Variants in SEMA4D observed in about 807,000 individuals in gnomAD.
The protein encoded by SEMA4D is semaphorin 4D, also known as semaphorin-4D.
SEMA4D carries 22 observed loss-of-function variants against 74.8 expected under a neutral mutation model. The observed-to-expected ratio is 0.29, with a 90% CI of 0.21 to 0.42. The LOEUF (loss-of-function observed/expected upper bound fraction) is 0.42, where lower values mean the gene tolerates loss of function less well. SEMA4D is among the 10% of genes least tolerant of loss of function. SEMA4D has a pLI of 1.00. For synonymous variants in SEMA4D, 445 were observed against 463.7 expected (o/e 0.96, Z 0.52); for missense variants, 937 against 1,118.4 (o/e 0.84, Z 2.31).
intron 2 of SEMA4D, among the ~76,000 whole-genome samples, chr9:89,440,109 T>A (rs931367711): frequency 6.6e-6 from 1 of 152,126 alleles, no homozygotes; most frequent in Non-Finnish European, 1.5e-5. Context: ...CCTGGTGTCC[T>A]CCCTGTGAGC....
rs141285319 is a variant in SEMA4D at position 89,486,710 on chromosome 9, A to T, written c.-310+11209T>A. The stretch of plus-strand genomic sequence containing the variant: ...GGCTTGAGGTTAGGAATTCAAGGCC[A>T]GCCTGGGAATCATAGTGAAACTCTG... On this transcript the variant is annotated intron_variant, in intron 1 of 15. Transcript: ENST00000422704. Among the ~76,000 whole-genome samples, 12 of 152,358 alleles carry T rather than the reference A, an allele frequency of 7.9e-5. 1 individual carries two copies. The Middle Eastern group carries it at 0.01, about 130-fold the overall frequency.
chr9:89,389,830 C>G lies in SEMA4D; in HGVS notation c.775-783G>C, dbSNP rs940362382. Among the ~76,000 whole-genome samples the G allele has an allele frequency of 2.0e-5, 3 of 152,198 alleles. No individual in the cohort carries two copies. In the South Asian group the frequency reaches 6.2e-4, roughly 31 times the overall value. On this transcript the variant is annotated intron_variant, in intron 9 of 15. Coordinates refer to ENST00000422704, the MANE Select transcript of SEMA4D (RefSeq NM_001371194.2). ...TTTGATAAAAGGACTTCATTTTCCT[C>G]CTTGATGTTTTAGCAAAGAATAATT... is the stretch of plus-strand genomic sequence containing the variant.
intron 1 of SEMA4D, among the ~76,000 whole-genome samples, chr9:89,456,845 C>G (rs979742830): frequency 6.6e-6 from 1 of 152,152 alleles, no homozygotes; most frequent in Admixed American, 6.5e-5. Flanking sequence ...CCGCCTTGGC[C>G]CTAAGTGCTG....
intron 2 of SEMA4D, among the ~76,000 whole-genome samples, chr9:89,443,016 G>A (rs1851998694): frequency 1.3e-5 from 2 of 152,186 alleles, no homozygotes; most frequent in South Asian, 4.1e-4. Context: ...AGCAGCAGGA[G>A]GGCCCCCTGC....
chr9:89,434,132 C>A (rs111795661), intron 2 of SEMA4D, among the ~76,000 whole-genome samples: 19 of 152,340 alleles, frequency 1.2e-4, no homozygotes, highest in Admixed American at 9.8e-4. Flanking sequence ...TTAAGACCAG[C>A]CAGACCTCAG....
At chr9:89,395,424 C>CAA (rs60494089) in intron 6 of SEMA4D, among the ~76,000 whole-genome samples, 1 of 112,040 alleles carries the variant, frequency 8.9e-6, no homozygotes, top group Non-Finnish European at 1.9e-5. Flanking sequence ...AACTCCGTCT[C>CAA]AAAAAAAAAA....
At chr9:89,433,113 T>G (rs577264222) in intron 2 of SEMA4D, among the ~76,000 whole-genome samples, 3 of 152,348 alleles carry the variant, frequency 2.0e-5, no homozygotes, top group Admixed American at 6.5e-5. Context: ...TGGTGCATCC[T>G]GGGCACAGGG....
At chr9:89,363,310 G>A in intron 18 of SEMA4D, 2 of 1,435,368 alleles carry the variant, frequency 1.4e-6, no homozygotes, top group Non-Finnish European at 1.9e-6. Context: ...ACTGCTCCGG[G>A]GCTAAGAGGG....
chr9:89,385,267 T>G (rs937323663), intron 13 of SEMA4D: 4 of 985,264 alleles, frequency 4.1e-6, no homozygotes, highest in Non-Finnish European at 4.8e-6. Flanking sequence ...CAGAGTGTCA[T>G]TCTCACGAAT....
At chr9:89,396,373 GCTAC>G (rs1440682144) in intron 6 of SEMA4D, among the ~76,000 whole-genome samples, 1 of 152,126 alleles carries the variant, frequency 6.6e-6, no homozygotes, top group African/African-American at 2.4e-5. Flanking sequence ...GCATGTTCAG[GCTAC>G]CTGTCCTTCC....
intron 2 of SEMA4D, among the ~76,000 whole-genome samples, chr9:89,438,564 G>C (rs957287449): frequency 6.6e-6 from 1 of 152,338 alleles, no homozygotes; most frequent in Middle Eastern, 3.4e-3. Context: ...TTATTCTGTC[G>C]TTCCTGAGAC....
intron 15 of SEMA4D, among the ~76,000 whole-genome samples, chr9:89,380,124 C>G (rs1836692305): frequency 6.6e-6 from 1 of 151,806 alleles, no homozygotes; most frequent in East Asian, 1.9e-4. Context: ...CTTCAACCCC[C>G]CCAGCTCAAG....
chr9:89,408,866 C>T (rs1843881684), intron 2 of SEMA4D, among the ~76,000 whole-genome samples: 2 of 152,246 alleles, frequency 1.3e-5, no homozygotes, highest in Non-Finnish European at 2.9e-5. Context: ...AAGGATAAAG[C>T]AGAAACAACC....
intron 8 of SEMA4D, 124 bp downstream of exon 8, chr9:89,392,299 C>T (rs984860677): frequency 3.2e-5 from 22 of 692,008 alleles, no homozygotes; most frequent in Non-Finnish European, 3.3e-5. Context: ...AAGTATCCCC[C>T]ACAAACAGGG....
chr9:89,454,422 C>G (rs555521309), intron 2 of SEMA4D, among the ~76,000 whole-genome samples: 15 of 152,294 alleles, frequency 9.8e-5, no homozygotes, highest in South Asian at 4.1e-4. Context: ...TCAGCCCCCC[C>G]CAGATTTTCA....
intron 1 of SEMA4D, among the ~76,000 whole-genome samples, chr9:89,478,442 C>T (rs753007873): frequency 4.9e-4 from 74 of 152,198 alleles, no homozygotes; most frequent in Non-Finnish European, 4.1e-4. Context: ...GGGAGTGTGG[C>T]CCTGCTGACA....
intron 2 of SEMA4D, among the ~76,000 whole-genome samples, chr9:89,443,680 C>A (rs186755710): frequency 2.6e-5 from 4 of 152,342 alleles, no homozygotes; most frequent in Admixed American, 2.6e-4. Context: ...TGCCTCCTGT[C>A]CTGGCTGTGA....
chr9:89,472,326 T>A, intron 1 of SEMA4D: 1 of 436,830 alleles, frequency 2.3e-6, no homozygotes. Flanking sequence ...GAGGAGGAGA[T>A]GGCAAAGTTA....
chr9:89,386,123 T>C, intron 13 of SEMA4D: 1 of 975,272 alleles, frequency 1.0e-6, no homozygotes, highest in Non-Finnish European at 1.2e-6. Flanking sequence ...AACAACTCAA[T>C]GACATTCCAG....
Sources: allele counts gnomAD v4.1 joint callset (sites outside exome capture counted in the v4.1 genomes callset), GRCh38; gene constraint gnomAD v4.1.1; transcripts MANE v1.5; gene names NCBI Gene and HGNC (gene_info 2026-07-23, HGNC 2026-07-21).